FLT1: variants seen among roughly 807,000 people sequenced by gnomAD.
FLT1 encodes fms related receptor tyrosine kinase 1.
Under a neutral mutation model 156.3 loss-of-function variants are expected in FLT1, and 49 were observed. The observed-to-expected ratio is 0.31, with a 90% CI of 0.25 to 0.40. The LOEUF (loss-of-function observed/expected upper bound fraction) is 0.40. FLT1 is among the 10% of genes least tolerant of loss of function. FLT1 has a pLI of 1.00. For missense variants in FLT1, 1,322 were observed against 1,637.2 expected, an observed-to-expected ratio of 0.81 and a Z score of 3.32; for synonymous variants, 594 against 583.8, an observed-to-expected ratio of 1.02 and a Z score of -0.25.
chr13:28,368,642 G>T, intron 14 of FLT1: 1 of 1,176,488 alleles, frequency 8.5e-7, no homozygotes, highest in Non-Finnish European at 1.2e-6. Context: ...CGATGACGAT[G>T]GTGACGTTGA....
At chr13:28,320,988 A>G (rs566620992) in intron 23 of FLT1, among the ~76,000 whole-genome samples, 1 of 152,262 alleles carries the variant, frequency 6.6e-6, no homozygotes, top group Non-Finnish European at 1.5e-5. Flanking sequence ...CTAGGCATGG[A>G]AGGCCATGGG....
intron 18 of FLT1, among the ~76,000 whole-genome samples, chr13:28,331,407 C>CT (rs1273145675): frequency 6.6e-6 from 1 of 152,214 alleles, no homozygotes; most frequent in Non-Finnish European, 1.5e-5. Context: ...TTTGAAAGAG[C>CT]TTTTGACTTA....
At chr13:28,466,626 C>A in intron 3 of FLT1, 1 of 459,454 alleles carries the variant, frequency 2.2e-6, no homozygotes, top group East Asian at 3.8e-5. Flanking sequence ...ACTTATTCAT[C>A]CAACTATGGG....
rs757790762 is a variant in FLT1, at chr13:28,431,242, A to G, written c.882T>C (p.Ser294=). The change falls in exon 7 of 30, where the codon AGT becomes AGC. Residue 294 remains serine, a synonymous_variant. Coordinates refer to ENST00000282397, the MANE Select transcript of FLT1 (RefSeq NM_002019.4). ...QSNSHANIFY[S]VLTIDKMQNK... is the part of the protein sequence containing the mutation. The stretch of plus-strand genomic sequence containing the variant: ...TCTGCATTTTGTCAATAGTAAGAAC[A>G]CTGTAGAATATGTTGGCATGGGAAT... 9 of 1,613,778 alleles carry G rather than the reference A, an allele frequency of 5.6e-6. No homozygotes were observed. Among genetic ancestry groups the G allele is most frequent in the Non-Finnish European group, 1.7e-6 (2 of 1,179,626 alleles).
chr13:28,478,769 A>G (rs1053315819), intron 1 of FLT1, among the ~76,000 whole-genome samples: 1 of 152,230 alleles, frequency 6.6e-6, no homozygotes, highest in Non-Finnish European at 1.5e-5. Context: ...AATGAATAAG[A>G]AAGGCTGGCA....
rs779103709 is a variant in FLT1, at chr13:28,467,588, G to T, written c.94C>A (p.Pro32Thr). Residue 32 changes from proline to threonine, a missense_variant, in exon 2 of 30, where the codon CCT (proline) becomes ACT (threonine). By Grantham distance (38) the Pro-to-Thr change is conservative. Transcript: ENST00000282397. ...GSSSGSKLKD[P>T]ELSLKGTQHI... Reference sequence around the variant, plus strand: ...TGGGTGCCTTTTAAACTCAGTTCAGGATCTTTTAATTTTGAACCTGAACTA... The same window carrying T: ...TGGGTGCCTTTTAAACTCAGTTCAGTATCTTTTAATTTTGAACCTGAACTA... 2.5e-6 allele frequency: 4 copies of T among 1,608,132 alleles called. No individual in the cohort carries two copies. The highest frequency in any genetic ancestry group is 2.2e-5 in the East Asian group (1 of 44,816).
chr13:28,488,136 G>T (rs779345967), intron 1 of FLT1, among the ~76,000 whole-genome samples: 14 of 152,022 alleles, frequency 9.2e-5, no homozygotes, highest in Non-Finnish European at 1.9e-4. Flanking sequence ...GGTGGCTTAC[G>T]CCTGTAATCT....
intron 4 of FLT1, among the ~76,000 whole-genome samples, chr13:28,435,872 G>C (rs755175939): frequency 2.0e-5 from 3 of 151,646 alleles, no homozygotes; most frequent in Non-Finnish European, 4.4e-5. Flanking sequence ...GAATGCAGTC[G>C]GTGGGAAAAA....
intron 3 of FLT1, among the ~76,000 whole-genome samples, chr13:28,450,868 C>T (rs1292918179): frequency 1.3e-5 from 2 of 152,162 alleles, no homozygotes; most frequent in East Asian, 1.9e-4. Context: ...GCTAGTCTCC[C>T]TCCACCACAC....
chr13:28,435,389 A>T (rs1877964854), intron 4 of FLT1, among the ~76,000 whole-genome samples: 2 of 152,214 alleles, frequency 1.3e-5, no homozygotes, highest in South Asian at 2.1e-4. Flanking sequence ...ATAAAGGGTC[A>T]TTGCTCCATA....
chr13:28,452,157 C>T (rs1176549679), intron 3 of FLT1, among the ~76,000 whole-genome samples: 1 of 152,188 alleles, frequency 6.6e-6, no homozygotes, highest in Non-Finnish European at 1.5e-5. Flanking sequence ...TGCATGCACT[C>T]CTGTCCCTTC....
At chr13:28,360,005 G>A (rs1873050324) in intron 14 of FLT1, among the ~76,000 whole-genome samples, 1 of 152,030 alleles carries the variant, frequency 6.6e-6, no homozygotes, top group East Asian at 1.9e-4. Flanking sequence ...TAACTACTTG[G>A]GAGGCTGCAG....
At chr13:28,422,668 C>T (rs78063126) in intron 10 of FLT1, among the ~76,000 whole-genome samples, 1,794 of 152,280 alleles carry the variant, frequency 0.012, 39 homozygotes, top group African/African-American at 0.041. Context: ...AGCAGAAGCC[C>T]CCCACCATCC....
rs1001764859 is a variant in FLT1, at chr13:28,373,882, C to T, written c.2116+11003G>A. On this transcript the variant is annotated intron_variant, in intron 14 of 29. Coordinates refer to ENST00000282397, the MANE Select transcript of FLT1 (RefSeq NM_002019.4). ...CCCCAAATCTCTTTGTATCTCTTCT[C>T]TTTGTTTTTCTTCATGCCCCATTTC... Among the ~76,000 whole-genome samples the T allele has an allele frequency of 3.3e-5, 5 of 152,266 alleles. No individual in the cohort carries two copies. In the South Asian group the frequency reaches 8.3e-4, roughly 25 times the overall value.
At chr13:28,423,203 C>CCCACAGG (rs2137531812) in intron 10 of FLT1, among the ~76,000 whole-genome samples, 1 of 152,296 alleles carries the variant, frequency 6.6e-6, no homozygotes, top group African/African-American at 2.4e-5. Context: ...CCTCAGCCAA[C>CCCACAGG]CCACAGGGCA....
intron 10 of FLT1, among the ~76,000 whole-genome samples, chr13:28,424,642 T>G (rs950166623): frequency 5.3e-5 from 8 of 152,208 alleles, no homozygotes; most frequent in Non-Finnish European, 5.9e-5. Context: ...AACAAGTACA[T>G]TCTGTCCTCA....
At chr13:28,307,862 C>T (rs985471958) in intron 28 of FLT1, among the ~76,000 whole-genome samples, 7 of 152,084 alleles carry the variant, frequency 4.6e-5, no homozygotes, top group Non-Finnish European at 7.4e-5. Flanking sequence ...ACCTCCGCCT[C>T]CCGGGTTCAC....
intron 18 of FLT1, 88 bp downstream of exon 18, chr13:28,333,937 G>T: frequency 2.3e-6 from 2 of 878,586 alleles, no homozygotes; most frequent in Middle Eastern, 2.1e-4. Flanking sequence ...GCTTGTGTCT[G>T]TTCCCAGGCT....
At chr13:28,416,033 G>C (rs1876625972) in intron 10 of FLT1, among the ~76,000 whole-genome samples, 1 of 152,198 alleles carries the variant, frequency 6.6e-6, no homozygotes, top group Non-Finnish European at 1.5e-5. Context: ...AGAAGTACCA[G>C]GTACCTTTCA....
Sources: allele counts gnomAD v4.1 joint callset (sites outside exome capture counted in the v4.1 genomes callset), GRCh38; gene constraint gnomAD v4.1.1; transcripts MANE v1.5; gene names NCBI Gene and HGNC (gene_info 2026-07-23, HGNC 2026-07-21).